Variants in DLC1 observed in about 807,000 individuals in gnomAD.
DLC1 encodes rho GTPase-activating protein 7.
In DLC1, 54 loss-of-function variants were observed where a neutral mutation model predicts 140.3. The ratio of observed to expected loss-of-function variants is 0.38; its 90% CI spans 0.31 to 0.48. The LOEUF (loss-of-function observed/expected upper bound fraction) is 0.48, where lower values mean the gene tolerates loss of function less well. DLC1 is among the 20% of genes least tolerant of loss of function. The probability of loss-of-function intolerance (pLI) is 0.96; values close to 1 mark genes in which losing one functional copy is unlikely to be tolerated. For missense variants in DLC1, 2,536 were observed against 1,907.0 expected (o/e 1.33, Z -6.14); for synonymous variants, 986 against 728.1 (o/e 1.35, Z -5.70).
At chr8:13,290,625 A>T (rs983782578) in intron 5 of DLC1, among the ~76,000 whole-genome samples, 5 of 152,198 alleles carry the variant, frequency 3.3e-5, no homozygotes, top group African/African-American at 1.2e-4. Context: ...GTATAAAAGG[A>T]TGCCAGCCTT....
intron 1 of DLC1, among the ~76,000 whole-genome samples, chr8:13,604,327 A>T (rs1327466219): frequency 6.6e-6 from 1 of 152,160 alleles, no homozygotes; most frequent in Non-Finnish European, 1.5e-5. Context: ...AGTTTCAATC[A>T]ATGTCAGACA....
intron 4 of DLC1, among the ~76,000 whole-genome samples, chr8:13,357,885 T>C (rs941518131): frequency 6.6e-6 from 1 of 152,194 alleles, no homozygotes; most frequent in Non-Finnish European, 1.5e-5. Context: ...TGGAAGAAAT[T>C]AGAAGAGAGC....
chr8:13,088,157 T>G (rs573959348), intron 16 of DLC1, among the ~76,000 whole-genome samples: 7 of 152,340 alleles, frequency 4.6e-5, no homozygotes, highest in Admixed American at 2.6e-4. Context: ...CACAGCTCAC[T>G]GCGGCCTCAA....
At chr8:13,305,944 G>A (rs1206903586) in intron 4 of DLC1, among the ~76,000 whole-genome samples, 2 of 152,168 alleles carry the variant, frequency 1.3e-5, no homozygotes, top group African/African-American at 2.4e-5. Context: ...GGAGAGAGAA[G>A]CAAATTCGTT....
chr8:13,444,307 C>T (rs908046098), intron 2 of DLC1, among the ~76,000 whole-genome samples: 3 of 151,830 alleles, frequency 2.0e-5, no homozygotes, highest in Admixed American at 6.6e-5. Flanking sequence ...ACCGGTGGTG[C>T]GGGTTGGGGG....
Position 13,153,784 on chromosome 8 carries a change from G to A in DLC1, c.1349-38127C>T, listed in dbSNP as rs114317184. Among the ~76,000 whole-genome samples, 384 of 152,008 alleles carry A rather than the reference G, an allele frequency of 2.5e-3. 3 individuals carry two copies. The highest frequency in any genetic ancestry group is 8.2e-3 in the African/African-American group (341 of 41,428). ...TAGAGGTAGACACAGAATGCCGATC[G>A]GTGCGTTTACAATCCCTGAGCTACA... On this transcript the variant is annotated intron_variant, in intron 5 of 17. Transcript: ENST00000276297.
intron 5 of DLC1, among the ~76,000 whole-genome samples, chr8:13,194,899 A>T (rs975354280): frequency 1.1e-4 from 17 of 152,108 alleles, no homozygotes; most frequent in African/African-American, 3.6e-4. Context: ...GGTAGTAGCT[A>T]GCTGAAAGGC....
chr8:13,327,776 C>A (rs1174720435), intron 4 of DLC1, among the ~76,000 whole-genome samples: 1 of 152,206 alleles, frequency 6.6e-6, no homozygotes, highest in East Asian at 1.9e-4. Flanking sequence ...ATGAAGCTCA[C>A]AGCATAGTGG....
At chr8:13,155,293 G>A (rs984915831) in intron 5 of DLC1, among the ~76,000 whole-genome samples, 1 of 151,156 alleles carries the variant, frequency 6.6e-6, no homozygotes, top group African/African-American at 2.4e-5. Context: ...TATTGCTTCA[G>A]TAAATATCCT....
rs146650078 is a variant in DLC1 at position 13,499,814 on chromosome 8, G to T, written c.258C>A (p.Asp86Glu). The T allele has an allele frequency of 6.2e-7, 1 of 1,613,886 alleles. No homozygotes were observed. The highest frequency in any genetic ancestry group is 1.7e-5 in the Admixed American group (1 of 60,010). The change falls in exon 2 of 18, where the codon GAC (aspartate) becomes GAA (glutamate). Residue 86 changes from aspartate to glutamate, a missense_variant. Coordinates refer to ENST00000276297, the MANE Select transcript of DLC1 (RefSeq NM_182643.3). ...CTTCACCTTCATGGCTGTCATTTTC[G>T]TCCACATCCTTTGAAAGATGACCCA... is the stretch of plus-strand genomic sequence containing the variant. The part of the protein sequence containing the change: ...RPMGHLSKDV[D>E]ENDSHEGEDQ...
Position 13,377,766 on chromosome 8 carries a change from A to G in DLC1, c.1314+15787T>C, listed in dbSNP as rs146604439. On this transcript the variant is annotated intron_variant, in intron 4 of 17. Transcript: ENST00000276297. ...TACTTTAAAGGTCTCTTGTTTTGGA[A>G]CATTGGAGGCACAAATCTTGAATAG... is the stretch of plus-strand genomic sequence containing the variant. Among the ~76,000 whole-genome samples the G allele has an allele frequency of 1.7e-3, 264 of 152,170 alleles. 9 individuals carry two copies. The East Asian group carries it at 0.048, about 28-fold the overall frequency.
At chr8:13,406,182 T>TG (rs201859412) in intron 2 of DLC1, among the ~76,000 whole-genome samples, 17 of 48,484 alleles carry the variant, frequency 3.5e-4, no homozygotes, top group East Asian at 2.0e-3. Context: ...AATTTTTGTG[T>TG]TTTTTTTTTT....
chr8:13,338,224 G>C (rs1283365859), intron 4 of DLC1, among the ~76,000 whole-genome samples: 1 of 152,176 alleles, frequency 6.6e-6, no homozygotes, highest in Non-Finnish European at 1.5e-5. Flanking sequence ...ATCTCAACCA[G>C]TCACAGGTTT....
chr8:13,248,184 C>G (rs1374245630), intron 5 of DLC1, among the ~76,000 whole-genome samples: 2 of 152,274 alleles, frequency 1.3e-5, no homozygotes, highest in East Asian at 3.9e-4. Flanking sequence ...TTTCTTTGCT[C>G]CCCTTCTCTT....
intron 1 of DLC1, among the ~76,000 whole-genome samples, chr8:13,575,450 G>C (rs574513671): frequency 1.8e-4 from 28 of 152,092 alleles, no homozygotes; most frequent in Non-Finnish European, 3.7e-4. Flanking sequence ...GGGCCGAGGG[G>C]AGGATTCCCA....
At chr8:13,142,670 A>G (rs1005362715) in intron 5 of DLC1, among the ~76,000 whole-genome samples, 27 of 152,218 alleles carry the variant, frequency 1.8e-4, no homozygotes, top group Non-Finnish European at 7.3e-5. Context: ...GTTATTACAC[A>G]ACACTAAAAA....
chr8:13,311,531 G>C (rs3910123), intron 4 of DLC1, among the ~76,000 whole-genome samples: 61,847 of 152,000 alleles, frequency 0.41, 12,922 homozygotes, highest in Middle Eastern at 0.49. Context: ...AAACGTCATT[G>C]ATGCTGTGTA....
intron 2 of DLC1, among the ~76,000 whole-genome samples, chr8:13,493,889 A>C (rs953989796): frequency 3.9e-5 from 6 of 152,164 alleles, no homozygotes; most frequent in African/African-American, 1.4e-4. Context: ...CATTTCAGGT[A>C]TGGGAGTCCT....
At chr8:13,567,724 G>T in intron 1 of DLC1, 1 of 1,552,036 alleles carries the variant, frequency 6.4e-7, no homozygotes, top group Admixed American at 2.0e-5. Flanking sequence ...CACCCGTATT[G>T]GAGAAGCACA....
Sources: allele counts gnomAD v4.1 joint callset (sites outside exome capture counted in the v4.1 genomes callset), GRCh38; gene constraint gnomAD v4.1.1; transcripts MANE v1.5; gene names NCBI Gene and HGNC (gene_info 2026-07-23, HGNC 2026-07-21).